ENKUR: variants seen among roughly 807,000 people sequenced by gnomAD.
ENKUR encodes enkurin, TRPC channel interacting protein.
In ENKUR, 19 loss-of-function variants were observed where a neutral mutation model predicts 27.6. The observed-to-expected ratio is 0.69, with a 90% CI of 0.48 to 1.01. The LOEUF (loss-of-function observed/expected upper bound fraction) is 1.01, where lower values mean the gene tolerates loss of function less well. Among genes scored for constraint, ENKUR ranks in the 50% least tolerant of loss-of-function variants. ENKUR has a pLI of 0.00. For synonymous variants in ENKUR, 117 were observed against 96.9 expected (o/e 1.21, Z -1.22); for missense variants, 312 against 310.5 (o/e 1.00, Z -0.04).
chr10:24,986,436 C>T (rs1434600634), intron 4 of ENKUR, among the ~76,000 whole-genome samples: 1 of 152,150 alleles, frequency 6.6e-6, no homozygotes, highest in Non-Finnish European at 1.5e-5. Flanking sequence ...GGAGGCTACA[C>T]AGTTCTTGAC....
intron 4 of ENKUR, 141 bp downstream of exon 4, chr10:24,990,322 T>G: frequency 9.7e-7 from 1 of 1,033,300 alleles, no homozygotes; most frequent in Non-Finnish European, 1.4e-6. Context: ...CTTTGCTGTA[T>G]GTAGTTTTTA....
intron 2 of ENKUR, among the ~76,000 whole-genome samples, chr10:25,053,904 T>C (rs1004422226): frequency 1.3e-5 from 2 of 152,310 alleles, no homozygotes; most frequent in Middle Eastern, 3.4e-3. Context: ...ACTTCACTAA[T>C]ATGGTTGGAG....
chr10:25,032,316 G>A (rs572175712), intron 2 of ENKUR, among the ~76,000 whole-genome samples: 10 of 148,284 alleles, frequency 6.7e-5, no homozygotes, highest in South Asian at 2.2e-4. Context: ...AGTAAAGAAG[G>A]GGGGGGGGCT....
At chr10:25,013,577 T>C (rs778225642) in intron 1 of ENKUR, among the ~76,000 whole-genome samples, 39 of 152,220 alleles carry the variant, frequency 2.6e-4, no homozygotes, top group Non-Finnish European at 4.3e-4. Context: ...GTTCAGACCA[T>C]AACTGGAATA....
At chr10:24,991,766 T>C (rs1368186902) in intron 3 of ENKUR, among the ~76,000 whole-genome samples, 2 of 152,234 alleles carry the variant, frequency 1.3e-5, no homozygotes, top group East Asian at 3.9e-4. Flanking sequence ...GAAAGTCCTT[T>C]GGAAGCCCTC....
chr10:25,014,116 C>T (rs979695524), intron 1 of ENKUR, among the ~76,000 whole-genome samples: 1 of 152,150 alleles, frequency 6.6e-6, no homozygotes, highest in Non-Finnish European at 1.5e-5. Flanking sequence ...AAGTGCCTTT[C>T]ATCCGATTTT....
At chr10:25,015,796 G>T in intron 1 of ENKUR, 64 bp downstream of exon 1, 8 of 1,405,934 alleles carry the variant, frequency 5.7e-6, no homozygotes, top group South Asian at 1.5e-5. Flanking sequence ...GTATATGTAT[G>T]CTTAATTAAT....
chr10:25,011,351 T>C (rs1359184536), intron 1 of ENKUR, among the ~76,000 whole-genome samples: 2 of 152,184 alleles, frequency 1.3e-5, no homozygotes, highest in East Asian at 3.9e-4. Flanking sequence ...ATTAGCCCTT[T>C]GTCAGATGAG....
intron 2 of ENKUR, among the ~76,000 whole-genome samples, chr10:25,033,428 A>AAAAAAAAC (rs1330786694): frequency 6.9e-6 from 1 of 144,758 alleles, no homozygotes; most frequent in Non-Finnish European, 1.5e-5. Flanking sequence ...AAAAAAAAAA[A>AAAAAAAAC]TCTGTGGTCC....
chr10:25,009,190 G>T (rs1850382954), intron 1 of ENKUR, among the ~76,000 whole-genome samples: 1 of 152,080 alleles, frequency 6.6e-6, no homozygotes, highest in African/African-American at 2.4e-5. Context: ...CACCAACATG[G>T]CACATGTATA....
In ENKUR at chr10:25,036,185, G is replaced by A. The variant is rs570278080; in HGVS notation, c.37+24927C>T. ...ACATAGTTCCCACATGTTGTAGGAG[G>A]GACCTGGTGGGAGATAATTGAATCA... On this transcript the variant is annotated intron_variant, in intron 2 of 5. Coordinates refer to the ENKUR transcript ENST00000615958. Among the ~76,000 whole-genome samples the A allele has an allele frequency of 5.9e-5, 9 of 152,240 alleles. No individual in the cohort carries two copies. In the South Asian group the frequency reaches 1.7e-3, roughly 28 times the overall value.
chr10:25,005,998 A>G (rs1850305845), intron 1 of ENKUR, among the ~76,000 whole-genome samples: 1 of 152,226 alleles, frequency 6.6e-6, no homozygotes, highest in South Asian at 2.1e-4. Flanking sequence ...ATTTTAGATA[A>G]ATTGCATTAA....
rs750652160 is a variant in ENKUR, at chr10:25,025,404, G to A, written c.38-29535C>T. ...AGTACCAGGTCTGTGCAGCTGATAT[G>A]AATGTCTTGAAGAGTCATGTGGAAC... is the stretch of plus-strand genomic sequence containing the variant. On this transcript the variant is annotated intron_variant, in intron 2 of 5. Coordinates refer to the ENKUR transcript ENST00000615958. 27 of 1,614,040 alleles carry A rather than the reference G, an allele frequency of 1.7e-5. 1 individual carries two copies. In the South Asian group the frequency reaches 2.9e-4, roughly 17 times the overall value.
intron 2 of ENKUR, among the ~76,000 whole-genome samples, chr10:25,049,650 T>A (rs1219819243): frequency 1.3e-5 from 2 of 151,948 alleles, no homozygotes; most frequent in Non-Finnish European, 2.9e-5. Flanking sequence ...TAGCCAGATG[T>A]GGTGGCACAT....
chr10:24,997,809 A>T (rs557715339), intron 2 of ENKUR, among the ~76,000 whole-genome samples: 2 of 148,812 alleles, frequency 1.3e-5, no homozygotes, highest in Admixed American at 6.7e-5. Context: ...CAAAGGATTT[A>T]TATATATATA....
At chr10:25,017,938 G>A (rs544252762), upstream of ENKUR, among the ~76,000 whole-genome samples, 4 of 152,302 alleles carry the variant, frequency 2.6e-5, no homozygotes, top group South Asian at 6.2e-4. Flanking sequence ...ACTGGCTAAA[G>A]CTTATGAATT....
chr10:25,001,743 T>G (rs964544190), intron 1 of ENKUR, among the ~76,000 whole-genome samples: 1 of 152,200 alleles, frequency 6.6e-6, no homozygotes, highest in Admixed American at 6.5e-5. Context: ...TTTCCCCATC[T>G]TGGTTCATGC....
intron 3 of ENKUR, among the ~76,000 whole-genome samples, chr10:24,992,178 A>G (rs890479975): frequency 6.6e-6 from 1 of 152,246 alleles, no homozygotes; most frequent in African/African-American, 2.4e-5. Context: ...TGCTAGGAAT[A>G]CTAGTGAATA....
At chr10:25,032,200 A>T (rs1850942201) in intron 2 of ENKUR, among the ~76,000 whole-genome samples, 1 of 152,008 alleles carries the variant, frequency 6.6e-6, no homozygotes, top group South Asian at 2.1e-4. Flanking sequence ...CTGTATGATT[A>T]TGAAACTGGG....
Sources: allele counts gnomAD v4.1 joint callset (sites outside exome capture counted in the v4.1 genomes callset), GRCh38; gene constraint gnomAD v4.1.1; transcripts MANE v1.5; gene names NCBI Gene and HGNC (gene_info 2026-07-23, HGNC 2026-07-21).